Variants in GABRB2 observed in about 807,000 individuals in gnomAD.
The protein encoded by GABRB2 is gamma-aminobutyric acid receptor subunit beta-2.
In GABRB2, 16 loss-of-function variants were observed where a neutral mutation model predicts 54.7. That is an observed-to-expected ratio of 0.29 (90% confidence interval 0.20 to 0.44). The LOEUF (loss-of-function observed/expected upper bound fraction) is 0.44. GABRB2 is among the 20% of genes least tolerant of loss of function. The probability of loss-of-function intolerance (pLI) is 1.00; values close to 1 mark genes in which losing one functional copy is unlikely to be tolerated. For missense variants in GABRB2, 355 were observed against 644.0 expected (o/e 0.55, Z 4.86); for synonymous variants, 244 against 233.8 (o/e 1.04, Z -0.40).
chr5:161,508,121 C>T (rs1759664709), intron 3 of GABRB2, among the ~76,000 whole-genome samples: 1 of 151,456 alleles, frequency 6.6e-6, no homozygotes, highest in Admixed American at 6.6e-5. Context: ...TATTTTATAT[C>T]ACTGAATGCC....
At chr5:161,422,577 G>A (rs530777636) in intron 4 of GABRB2, among the ~76,000 whole-genome samples, 37 of 152,228 alleles carry the variant, frequency 2.4e-4, no homozygotes, top group African/African-American at 8.9e-4. Flanking sequence ...AAAATAGGCA[G>A]TGCAAATATA....
chr5:161,473,979 A>G (rs1758519398), intron 3 of GABRB2, among the ~76,000 whole-genome samples: 2 of 151,998 alleles, frequency 1.3e-5, no homozygotes, highest in Admixed American at 1.3e-4. Flanking sequence ...CAGAAAGGGT[A>G]GATGAAGAAG....
chr5:161,293,048 A>C lies in GABRB2; in HGVS notation c.*1033T>G, dbSNP rs1426888381. 2 of 152,214 alleles carry C rather than the reference A, an allele frequency of 1.3e-5. No homozygotes were observed. The highest frequency in any genetic ancestry group is 2.9e-5 in the Non-Finnish European group (2 of 68,028). 9.4% of individuals were successfully genotyped at this position (152,214 alleles called of 1,614,324 possible). On this transcript the variant is annotated 3_prime_UTR_variant, in exon 10 of 10. Transcript: ENST00000393959. ...GTCTGAGAAAAACAATCTGTTTGCTAGTTTGTGCTCTGTATTTGTATATTT... is the reference window on the plus strand; with the variant it reads ...GTCTGAGAAAAACAATCTGTTTGCTCGTTTGTGCTCTGTATTTGTATATTT...
chr5:161,410,024 C>T (rs1756461023), intron 5 of GABRB2, among the ~76,000 whole-genome samples: 1 of 152,124 alleles, frequency 6.6e-6, no homozygotes, highest in African/African-American at 2.4e-5. Context: ...CTGCTCACAG[C>T]AATGATTTAG....
intron 9 of GABRB2, among the ~76,000 whole-genome samples, chr5:161,317,778 C>CA (rs540025367): frequency 6.6e-6 from 1 of 151,424 alleles, no homozygotes; most frequent in African/African-American, 2.4e-5. Flanking sequence ...AAACTGAAAA[C>CA]AAAAAAAGCC....
chr5:161,441,877 T>G (rs1376298730), intron 4 of GABRB2, among the ~76,000 whole-genome samples: 1 of 152,172 alleles, frequency 6.6e-6, no homozygotes, highest in East Asian at 1.9e-4. Context: ...ATGTTCTCAC[T>G]TATTTGGGGA....
At chr5:161,541,981 G>A (rs912270998) in intron 3 of GABRB2, among the ~76,000 whole-genome samples, 1 of 152,186 alleles carries the variant, frequency 6.6e-6, no homozygotes, top group Non-Finnish European at 1.5e-5. Flanking sequence ...AGTGAGAGAT[G>A]TGCAACTCTC....
intron 5 of GABRB2, among the ~76,000 whole-genome samples, chr5:161,371,722 T>G (rs532894559): frequency 4.6e-5 from 7 of 150,680 alleles, no homozygotes; most frequent in East Asian, 3.9e-4. Flanking sequence ...AATGTTGGGG[T>G]TTTTTTTTAT....
intron 4 of GABRB2, among the ~76,000 whole-genome samples, chr5:161,440,062 C>CA (rs61152845): frequency 0.053 from 4,086 of 77,034 alleles, 111 homozygotes; most frequent in South Asian, 0.11. Flanking sequence ...AACCTCAAAC[C>CA]AAAAAAAAAA....
intron 5 of GABRB2, among the ~76,000 whole-genome samples, chr5:161,360,012 C>T (rs1005643789): frequency 1.3e-5 from 2 of 151,746 alleles, no homozygotes; most frequent in Non-Finnish European, 2.9e-5. Context: ...ACCCCGGAGG[C>T]GGAGGTTGTG....
At chr5:161,523,934 T>C (rs1406107449) in intron 3 of GABRB2, among the ~76,000 whole-genome samples, 1 of 151,410 alleles carries the variant, frequency 6.6e-6, no homozygotes, top group Non-Finnish European at 1.5e-5. Flanking sequence ...AATTTTGTTG[T>C]TCTATAACTT....
intron 3 of GABRB2, among the ~76,000 whole-genome samples, chr5:161,500,219 A>T (rs1208890832): frequency 6.6e-6 from 1 of 152,164 alleles, no homozygotes; most frequent in Non-Finnish European, 1.5e-5. Flanking sequence ...GTGTGTCCTT[A>T]ATTAAGTAAA....
chr5:161,423,484 C>A (rs1297331237), intron 4 of GABRB2, among the ~76,000 whole-genome samples: 2 of 152,116 alleles, frequency 1.3e-5, no homozygotes, highest in Non-Finnish European at 2.9e-5. Context: ...ATATTTCAAA[C>A]TTTTCAATTT....
Position 161,544,738 on chromosome 5 carries a change from T to C in GABRB2, c.237+489A>G, listed in dbSNP as rs909712843. Among the ~76,000 whole-genome samples the C allele has an allele frequency of 1.1e-4, 17 of 152,126 alleles. No individual in the cohort carries two copies. The East Asian group carries it at 3.1e-3, about 28-fold the overall frequency. On this transcript the variant is annotated intron_variant, in intron 3 of 9. Transcript: ENST00000393959. Reference sequence around the variant, plus strand: ...GCAAACAATGGAGTTGGGGCAGGAATGGGGGATGGGGGCTTGCCATTAACA... The same window carrying C: ...GCAAACAATGGAGTTGGGGCAGGAACGGGGGATGGGGGCTTGCCATTAACA...
At chr5:161,488,713 A>G (rs1759002795) in intron 3 of GABRB2, among the ~76,000 whole-genome samples, 1 of 151,782 alleles carries the variant, frequency 6.6e-6, no homozygotes, top group East Asian at 1.9e-4. Flanking sequence ...TCACTACACC[A>G]AGAAAGATCC....
intron 9 of GABRB2, among the ~76,000 whole-genome samples, chr5:161,312,970 T>C (rs113483028): frequency 1.2e-4 from 18 of 152,320 alleles, no homozygotes; most frequent in African/African-American, 4.3e-4. Flanking sequence ...ATAGTGGAAG[T>C]GGCTTGCTCG....
intron 3 of GABRB2, among the ~76,000 whole-genome samples, chr5:161,472,891 A>C (rs1338047257): frequency 6.6e-6 from 1 of 151,950 alleles, no homozygotes; most frequent in African/African-American, 2.4e-5. Context: ...ATTAAAAATT[A>C]ACTTTTTTTT....
chr5:161,307,389 A>T (rs555215281), intron 9 of GABRB2, among the ~76,000 whole-genome samples: 1 of 152,208 alleles, frequency 6.6e-6, no homozygotes, highest in East Asian at 1.9e-4. Context: ...TATCTGCTGA[A>T]ATAATAATAT....
At chr5:161,474,801 T>C (rs1005348679) in intron 3 of GABRB2, among the ~76,000 whole-genome samples, 1 of 151,980 alleles carries the variant, frequency 6.6e-6, no homozygotes, top group African/African-American at 2.4e-5. Flanking sequence ...ATAAATTGGT[T>C]TTTATATCTG....
Sources: gnomAD v4.1 joint callset for allele counts (sites outside exome capture counted in the v4.1 genomes callset) on GRCh38, gnomAD v4.1.1 for gene constraint, MANE v1.5 for transcripts, NCBI Gene and HGNC (gene_info 2026-07-23, HGNC 2026-07-21) for gene names.